Variants in CDH20 observed in about 807,000 individuals in gnomAD.
The protein encoded by CDH20 is cadherin-20.
Under a neutral mutation model 74.2 loss-of-function variants are expected in CDH20, and 29 were observed. The observed-to-expected ratio is 0.39, with a 90% CI of 0.29 to 0.53. The LOEUF is 0.53. Among genes scored for constraint, CDH20 ranks in the 20% least tolerant of loss-of-function variants. CDH20 has a pLI of 0.69. For missense variants in CDH20, 988 were observed against 1,048.3 expected (o/e 0.94, Z 0.79); for synonymous variants, 469 against 405.4 (o/e 1.16, Z -1.88).
At chr18:61,403,821 G>T (rs1274804899) in intron 1 of CDH20, among the ~76,000 whole-genome samples, 1 of 152,118 alleles carries the variant, frequency 6.6e-6, no homozygotes, top group Non-Finnish European at 1.5e-5. Context: ...TATATTCACC[G>T]CAGCACTATT....
chr18:61,528,045 A>T lies in CDH20; in HGVS notation c.1096A>T (p.Asn366Tyr). 1 of 1,614,160 alleles carries T rather than the reference A, an allele frequency of 6.2e-7. No individual in the cohort carries two copies. Among genetic ancestry groups the T allele is most frequent in the Middle Eastern group, 1.6e-4 (1 of 6,062 alleles). The part of the protein sequence containing the change: ...ANPHLEMRFL[N>Y]LGPFQDTTTV... ...TCCTCACCTAGAGATGCGTTTTCTGAACTTGGGCCCATTTCAGGACACAAC... is the reference window on the plus strand; with the variant it reads ...TCCTCACCTAGAGATGCGTTTTCTGTACTTGGGCCCATTTCAGGACACAAC... The change falls in exon 7 of 12, where the codon AAC (asparagine) becomes TAC (tyrosine). Residue 366 changes from asparagine (N) to tyrosine (Y), a missense_variant. By Grantham distance (143) the Asn-to-Tyr change is moderately radical (BLOSUM62 -2). Coordinates refer to ENST00000262717, the MANE Select transcript of CDH20 (RefSeq NM_031891.4).
intron 1 of CDH20, among the ~76,000 whole-genome samples, chr18:61,364,171 G>GTTCCCTCAAACCTCACATTTT (rs1367610298): frequency 6.6e-6 from 1 of 152,168 alleles, no homozygotes; most frequent in East Asian, 1.9e-4. Flanking sequence ...TTGGATGTCT[G>GTTCCCTCAAACCTCACATTTT]TTCCCTCAAA....
chr18:61,350,399 G>A (rs1298555490), intron 1 of CDH20, among the ~76,000 whole-genome samples: 1 of 151,996 alleles, frequency 6.6e-6, no homozygotes, highest in African/African-American at 2.4e-5. Flanking sequence ...TTGGTTGTAG[G>A]ACAGGACTTC....
At chr18:61,392,469 T>C (rs538763701) in intron 1 of CDH20, among the ~76,000 whole-genome samples, 11 of 152,266 alleles carry the variant, frequency 7.2e-5, no homozygotes, top group African/African-American at 2.4e-4. Context: ...CCAATCCCCA[T>C]GGATACAGAG....
At chr18:61,437,361 G>T (rs750922820) in intron 1 of CDH20, among the ~76,000 whole-genome samples, 1 of 152,114 alleles carries the variant, frequency 6.6e-6, no homozygotes, top group Non-Finnish European at 1.5e-5. Flanking sequence ...CTTCCATCAG[G>T]CCATTTATGG....
chr18:61,498,263 T>G (rs2535359), intron 2 of CDH20, among the ~76,000 whole-genome samples: 148,164 of 152,082 alleles, frequency 0.97, 72,260 homozygotes, highest in Middle Eastern at 0.99. Flanking sequence ...AGCCAGGCAT[T>G]GTGGTGCATG....
chr18:61,415,937 ATTC>A (rs1236055447), intron 1 of CDH20, among the ~76,000 whole-genome samples: 1 of 152,090 alleles, frequency 6.6e-6, no homozygotes, highest in Non-Finnish European at 1.5e-5. Flanking sequence ...GAATTCCATG[ATTC>A]TTATGTCTTA....
intron 1 of CDH20, among the ~76,000 whole-genome samples, chr18:61,464,328 G>A (rs1044131486): frequency 6.7e-6 from 1 of 150,324 alleles, no homozygotes; most frequent in Non-Finnish European, 1.5e-5. Context: ...AAAAAAAAAA[G>A]TTAACATATT....
In CDH20 at chr18:61,511,977, G is replaced by A. The variant is rs1434396396; in HGVS notation, c.1017+4417G>A. Among the ~76,000 whole-genome samples, 6 of 152,156 alleles carry A rather than the reference G, an allele frequency of 3.9e-5. No individual in the cohort carries two copies. The East Asian group carries it at 5.8e-4, about 15-fold the overall frequency. On this transcript the variant is annotated intron_variant, in intron 6 of 11. Coordinates refer to ENST00000262717, the MANE Select transcript of CDH20 (RefSeq NM_031891.4). ...AGAGGCCACTGACAGCTCAGTCTAC[G>A]CCTTTGCAACAACATTCACTCAGAT...
intron 1 of CDH20, among the ~76,000 whole-genome samples, chr18:61,442,369 A>AG (rs1909062880): frequency 4.8e-5 from 1 of 20,862 alleles, no homozygotes; most frequent in Non-Finnish European, 1.5e-4. Flanking sequence ...GAAAAAGAAA[A>AG]GAAAAAAAAA....
intron 2 of CDH20, among the ~76,000 whole-genome samples, chr18:61,494,745 A>C (rs1480427759): frequency 6.6e-6 from 1 of 152,164 alleles, no homozygotes; most frequent in African/African-American, 2.4e-5. Flanking sequence ...AGGCAGTGTC[A>C]AGTTAAAGCT....
chr18:61,413,597 T>C (rs568376731), intron 1 of CDH20, among the ~76,000 whole-genome samples: 28 of 152,262 alleles, frequency 1.8e-4, no homozygotes, highest in African/African-American at 6.0e-4. Flanking sequence ...TGCTGCATTG[T>C]TCTGACATCA....
chr18:61,398,692 C>T (rs1201888539), intron 1 of CDH20, among the ~76,000 whole-genome samples: 4 of 152,152 alleles, frequency 2.6e-5, no homozygotes, highest in African/African-American at 4.8e-5. Context: ...CATTGAGACT[C>T]CTGAGTATAT....
intron 1 of CDH20, among the ~76,000 whole-genome samples, chr18:61,358,798 AT>A (rs554738877): frequency 0.019 from 2,886 of 152,154 alleles, 41 homozygotes; most frequent in Non-Finnish European, 0.031. Context: ...TATAAGCATG[AT>A]TTTTTTGGTC....
chr18:61,415,525 C>G (rs1487759553), intron 1 of CDH20, among the ~76,000 whole-genome samples: 2 of 152,072 alleles, frequency 1.3e-5, no homozygotes, highest in Non-Finnish European at 2.9e-5. Flanking sequence ...TTTTGTGCCC[C>G]TAGAAATGTA....
At chr18:61,347,159 C>T (rs1343124716) in intron 1 of CDH20, among the ~76,000 whole-genome samples, 3 of 145,550 alleles carry the variant, frequency 2.1e-5, no homozygotes, top group Non-Finnish European at 4.5e-5. Context: ...ATCAAACACA[C>T]AAAAACAGGC....
intron 1 of CDH20, chr18:61,405,289 T>C: frequency 3.0e-6 from 1 of 337,242 alleles, no homozygotes; most frequent in South Asian, 2.6e-5. Flanking sequence ...TTGTCAACTC[T>C]TAAAAGACTG....
intron 1 of CDH20, among the ~76,000 whole-genome samples, chr18:61,362,683 G>A (rs556149524): frequency 1.3e-5 from 2 of 152,160 alleles, no homozygotes; most frequent in East Asian, 1.9e-4. Flanking sequence ...TAAGTACTAT[G>A]TAGTATGTAC....
At chr18:61,535,078 G>C (rs1171701685) in intron 7 of CDH20, among the ~76,000 whole-genome samples, 2 of 152,162 alleles carry the variant, frequency 1.3e-5, no homozygotes, top group Non-Finnish European at 2.9e-5. Context: ...CACTTTGGGA[G>C]GCTGAGGCAG....
Sources: allele counts gnomAD v4.1 joint callset (sites outside exome capture counted in the v4.1 genomes callset), GRCh38; gene constraint gnomAD v4.1.1; transcripts MANE v1.5; gene names NCBI Gene and HGNC (gene_info 2026-07-23, HGNC 2026-07-21).